PPP3CB: variants seen among roughly 807,000 people sequenced by gnomAD.
The protein encoded by PPP3CB is protein phosphatase 3 catalytic subunit beta, also known as serine/threonine-protein phosphatase 2B catalytic subunit beta isoform.
PPP3CB carries 8 observed loss-of-function variants against 66.4 expected under a neutral mutation model. That is an observed-to-expected ratio of 0.12 (90% confidence interval 0.07 to 0.22). The LOEUF is 0.22. Among genes scored for constraint, PPP3CB ranks in the 10% least tolerant of loss-of-function variants. The pLI, the probability that PPP3CB is intolerant of heterozygous loss-of-function variation, is 1.00. For missense variants in PPP3CB, 319 were observed against 642.5 expected, an observed-to-expected ratio of 0.50 and a Z score of 5.44; for synonymous variants, 208 against 221.2, an observed-to-expected ratio of 0.94 and a Z score of 0.53.
intron 3 of PPP3CB, among the ~76,000 whole-genome samples, chr10:73,475,951 G>A (rs757098793): frequency 1.8e-4 from 27 of 151,960 alleles, no homozygotes; most frequent in Non-Finnish European, 3.4e-4. Context: ...CGACCTTCTG[G>A]GCTCAAGAAA....
chr10:73,471,703 T>C, intron 4 of PPP3CB, 90 bp from the exon 5 acceptor site: 1 of 1,015,110 alleles, frequency 9.9e-7, no homozygotes, highest in East Asian at 2.6e-5. Flanking sequence ...TATTTCTTGT[T>C]CTCTCCCCTC....
intron 9 of PPP3CB, among the ~76,000 whole-genome samples, chr10:73,460,265 C>CAAAAAAAAA (rs11447229): frequency 8.4e-5 from 3 of 35,826 alleles, no homozygotes; most frequent in Admixed American, 3.4e-4. Flanking sequence ...AAAGTAATAG[C>CAAAAAAAAA]AAAAAAAAAA....
At chr10:73,467,799 G>A in intron 8 of PPP3CB, 121 bp from the exon 9 acceptor site, 1 of 901,972 alleles carries the variant, frequency 1.1e-6, no homozygotes, top group Non-Finnish European at 1.6e-6. Context: ...GGGGGTGAGT[G>A]GAATCAGGGC....
intron 8 of PPP3CB, among the ~76,000 whole-genome samples, chr10:73,469,966 C>T (rs1027001892): frequency 6.6e-6 from 1 of 152,190 alleles, no homozygotes; most frequent in Non-Finnish European, 1.5e-5. Context: ...CATACCCAAT[C>T]TCATCTTCAA....
At chr10:73,467,308 C>A in intron 9 of PPP3CB, 5 of 228,244 alleles carry the variant, frequency 2.2e-5, no homozygotes, top group Admixed American at 5.7e-5. Flanking sequence ...GAAAATCCAA[C>A]AGCTGAAGAC....
chr10:73,467,354 G>A, intron 9 of PPP3CB, 199 bp downstream of exon 9: 1 of 334,144 alleles, frequency 3.0e-6, no homozygotes, highest in East Asian at 4.9e-5. Flanking sequence ...CAGTCCCCCA[G>A]ACAGCCTCAC....
At chr10:73,443,335 A>AAAGAG (rs1387733562) in intron 12 of PPP3CB, among the ~76,000 whole-genome samples, 3 of 151,366 alleles carry the variant, frequency 2.0e-5, no homozygotes, top group African/African-American at 7.3e-5. Flanking sequence ...AAAGAAAAAG[A>AAAGAG]AAGAGAAGAG....
intron 12 of PPP3CB, among the ~76,000 whole-genome samples, chr10:73,443,294 A>AAGAAAGAAAGAC (rs2056188974): frequency 1.5e-5 from 2 of 131,698 alleles, no homozygotes; most frequent in African/African-American, 3.5e-5. Flanking sequence ...GACAGAAAGA[A>AAGAAAGAAAGAC]AGAAAGAAAG....
In PPP3CB at chr10:73,454,563, T is replaced by C. The variant is rs551788661; in HGVS notation, c.1109-74A>G. The C allele has an allele frequency of 6.4e-6, 6 of 942,440 alleles. No individual in the cohort carries two copies. The African/African-American group carries it at 6.7e-5, about 10-fold the overall frequency. The allele number at this position is 942,440 out of a possible 1,614,324, so 58.4% of individuals were successfully genotyped here. A position where few individuals can be genotyped will look rare whatever the true frequency, so the allele number is the denominator to read the frequency against. ...TATACATACACATAGCAACTATTTT[T>C]ACAAATGGTCAAATAATGTTTAGCC... On this transcript the variant is annotated intron_variant, in intron 9 of 13. Coordinates refer to ENST00000360663, the MANE Select transcript of PPP3CB (RefSeq NM_021132.4).
intron 9 of PPP3CB, among the ~76,000 whole-genome samples, chr10:73,455,530 C>T (rs902667209): frequency 6.6e-6 from 1 of 152,154 alleles, no homozygotes; most frequent in Non-Finnish European, 1.5e-5. Flanking sequence ...CCAGTGTTGA[C>T]CTCTCCTTCA....
intron 1 of PPP3CB, among the ~76,000 whole-genome samples, chr10:73,494,506 G>A (rs1430171658): frequency 6.6e-6 from 1 of 151,986 alleles, no homozygotes; most frequent in Non-Finnish European, 1.5e-5. Context: ...TGTTGCCCAG[G>A]CTGGTCTCCA....
chr10:73,464,810 T>C (rs2056592101), intron 9 of PPP3CB, among the ~76,000 whole-genome samples: 1 of 151,992 alleles, frequency 6.6e-6, no homozygotes, highest in South Asian at 2.1e-4. Flanking sequence ...AGCATGCCTG[T>C]AATCCCACTA....
rs145178074 is a variant in PPP3CB at position 73,493,772 on chromosome 10, A to T, written c.85+2033T>A. On this transcript the variant is annotated intron_variant, in intron 1 of 13. Coordinates refer to ENST00000360663, the MANE Select transcript of PPP3CB (RefSeq NM_021132.4). ...AAGCTTTATTTAACTATAATTTTCT[A>T]TATTAACAAGCTCCTTTCCTATTTA... Among the ~76,000 whole-genome samples the T allele has an allele frequency of 6.2e-4, 95 of 152,336 alleles. 1 individual carries two copies. Among genetic ancestry groups the T allele is most frequent in the African/African-American group, 2.0e-3 (84 of 41,584 alleles).
Position 73,495,913 on chromosome 10 carries a change from C to A in PPP3CB, c.-24G>T. Reference sequence around the variant, plus strand: ...ATGCTGGGCCCGGGGCTCGGCTAGGCTCTGGGCCGGGCGGGGTTGGGGGCG... The same window carrying A: ...ATGCTGGGCCCGGGGCTCGGCTAGGATCTGGGCCGGGCGGGGTTGGGGGCG... On this transcript the variant is annotated 5_prime_UTR_variant, in exon 1 of 14. Coordinates refer to ENST00000360663, the MANE Select transcript of PPP3CB (RefSeq NM_021132.4). 1 of 570,030 alleles carries A rather than the reference C, an allele frequency of 1.8e-6. No individual in the cohort carries two copies. Among genetic ancestry groups the A allele is most frequent in the Non-Finnish European group, 2.4e-6 (1 of 412,538 alleles). The allele number at this position is 570,030 out of a possible 1,614,324, so 35.3% of individuals were successfully genotyped here.
intron 9 of PPP3CB, among the ~76,000 whole-genome samples, chr10:73,461,668 T>C (rs538206867): frequency 6.6e-6 from 1 of 152,308 alleles, no homozygotes; most frequent in Non-Finnish European, 1.5e-5. Context: ...ACTTTGGAGT[T>C]GGCACTTTTC....
At chr10:73,443,211 AC>A (rs1324362876) in intron 12 of PPP3CB, among the ~76,000 whole-genome samples, 1 of 150,110 alleles carries the variant, frequency 6.7e-6, no homozygotes, top group Non-Finnish European at 1.5e-5. Flanking sequence ...ACACATGTAC[AC>A]ATGCACACAA....
chr10:73,451,955 C>T lies in PPP3CB; in HGVS notation c.1186+2457G>A, dbSNP rs567708619. On this transcript the variant is annotated intron_variant, in intron 10 of 13. Coordinates refer to ENST00000360663, the MANE Select transcript of PPP3CB (RefSeq NM_021132.4). ...AGAGACAGGGTTTCACCATGTTAAG[C>T]CAGGATGGTCTTGATCTCCTGACCT... Among the ~76,000 whole-genome samples, 423 of 151,698 alleles carry T rather than the reference C, an allele frequency of 2.8e-3. 1 individual carries two copies. The highest frequency in any genetic ancestry group is 9.8e-3 in the African/African-American group (406 of 41,386).
intron 10 of PPP3CB, among the ~76,000 whole-genome samples, chr10:73,449,391 G>C (rs1264889662): frequency 6.6e-6 from 1 of 152,182 alleles, no homozygotes; most frequent in African/African-American, 2.4e-5. Flanking sequence ...TGCAAAAATA[G>C]CAACAGATTG....
intron 9 of PPP3CB, among the ~76,000 whole-genome samples, chr10:73,456,204 A>G (rs2056425278): frequency 6.6e-6 from 1 of 152,230 alleles, no homozygotes; most frequent in African/African-American, 2.4e-5. Flanking sequence ...CCACATGTCA[A>G]GTACTACATT....
Sources: gnomAD v4.1 joint callset for allele counts (sites outside exome capture counted in the v4.1 genomes callset) on GRCh38, gnomAD v4.1.1 for gene constraint, MANE v1.5 for transcripts, NCBI Gene and HGNC (gene_info 2026-07-23, HGNC 2026-07-21) for gene names.